OSTN: variants seen among roughly 807,000 people sequenced by gnomAD.
The protein encoded by OSTN is osteocrin.
A neutral mutation model predicts 12.0 loss-of-function variants in OSTN; 9 were observed. That is an observed-to-expected ratio of 0.75 (90% confidence interval 0.45 to 1.30). The LOEUF (loss-of-function observed/expected upper bound fraction) is 1.30, where lower values mean the gene tolerates loss of function less well. OSTN is among the 50% of genes most tolerant of loss of function. The pLI, the probability that OSTN is intolerant of heterozygous loss-of-function variation, is 0.00. For missense variants in OSTN, 148 were observed against 152.3 expected (o/e 0.97, Z 0.15); for synonymous variants, 59 against 56.9 (o/e 1.04, Z -0.16).
chr3:191,236,461 CT>C (rs1256504342), intron 3 of OSTN, among the ~76,000 whole-genome samples: 1 of 151,874 alleles, frequency 6.6e-6, no homozygotes, highest in Non-Finnish European at 1.5e-5. Context: ...AAAAAAATGC[CT>C]ACTCCATAGA....
chr3:191,240,799 T>C (rs1042696573), intron 3 of OSTN, among the ~76,000 whole-genome samples: 2 of 152,198 alleles, frequency 1.3e-5, no homozygotes, highest in Non-Finnish European at 2.9e-5. Context: ...CATGTAAACC[T>C]CTCTAAAGGG....
At chr3:191,218,530 G>A (rs962175240) in intron 2 of OSTN, among the ~76,000 whole-genome samples, 2 of 152,086 alleles carry the variant, frequency 1.3e-5, no homozygotes, top group African/African-American at 4.8e-5. Context: ...AGCCGAAGCA[G>A]GAGAATTGCT....
At chr3:191,205,447 T>A (rs191791221) in intron 1 of OSTN, among the ~76,000 whole-genome samples, 15,799 of 140,152 alleles carry the variant, frequency 0.11, 1,938 homozygotes, top group African/African-American at 0.31. Flanking sequence ...AAAAAAAATA[T>A]ATATATATAT....
At chr3:191,245,231 C>A (rs1050629705) in intron 3 of OSTN, among the ~76,000 whole-genome samples, 1 of 152,046 alleles carries the variant, frequency 6.6e-6, no homozygotes. Context: ...AAATGTGAAC[C>A]CTGAGAGGTA....
chr3:191,245,374 A>G, intron 3 of OSTN, among the ~76,000 whole-genome samples: 1 of 152,356 alleles, frequency 6.6e-6, no homozygotes. Context: ...AAGTGAATAA[A>G]CAGCTCCAGA....
At chr3:191,258,117 T>C (rs1315640776) in intron 4 of OSTN, among the ~76,000 whole-genome samples, 2 of 152,184 alleles carry the variant, frequency 1.3e-5, no homozygotes, top group East Asian at 3.8e-4. Context: ...AGGTAGCAAA[T>C]TTATATCTCA....
At chr3:191,252,377 A>G (rs1222015430) in intron 4 of OSTN, among the ~76,000 whole-genome samples, 1 of 152,140 alleles carries the variant, frequency 6.6e-6, no homozygotes, top group Non-Finnish European at 1.5e-5. Context: ...GAATTTTTAT[A>G]TGAAGACTGA....
intron 4 of OSTN, 67 bp downstream of exon 4, chr3:191,250,200 C>T: frequency 1.7e-6 from 2 of 1,205,542 alleles, no homozygotes; most frequent in Non-Finnish European, 2.5e-6. Context: ...ATGGACTAAT[C>T]AATCCATTCT....
At chr3:191,244,800 T>A (rs2363981) in intron 3 of OSTN, among the ~76,000 whole-genome samples, 78,199 of 150,484 alleles carry the variant, frequency 0.52, 22,014 homozygotes, top group African/African-American at 0.76. Flanking sequence ...GAATTGATTT[T>A]TATATATATA....
At chr3:191,249,919 C>T (rs551818412) in intron 3 of OSTN, 118 bp from the exon 4 acceptor site, 4 of 703,356 alleles carry the variant, frequency 5.7e-6, no homozygotes, top group Non-Finnish European at 1.0e-5. Flanking sequence ...TGAGTGGGAA[C>T]TATCATGTTT....
chr3:191,226,275 A>C (rs889604432), intron 3 of OSTN, among the ~76,000 whole-genome samples: 3 of 152,142 alleles, frequency 2.0e-5, no homozygotes, highest in African/African-American at 7.2e-5. Flanking sequence ...TAATACAACA[A>C]TAGATAAAAG....
At chr3:191,246,330 G>T (rs1328362671) in intron 3 of OSTN, among the ~76,000 whole-genome samples, 1 of 152,020 alleles carries the variant, frequency 6.6e-6, no homozygotes, top group South Asian at 2.1e-4. Context: ...AGTAGGCCGG[G>T]TGTGGTGGCT....
chr3:191,244,359 T>A (rs9882511), intron 3 of OSTN, among the ~76,000 whole-genome samples: 117,285 of 151,500 alleles, frequency 0.77, 45,772 homozygotes, highest in African/African-American at 0.88. Context: ...ATATCCTTAA[T>A]CTACTTTACT....
intron 1 of OSTN, among the ~76,000 whole-genome samples, chr3:191,206,926 T>C (rs562611248): frequency 6.6e-6 from 1 of 152,220 alleles, no homozygotes; most frequent in Non-Finnish European, 1.5e-5. Context: ...TATTATGTTT[T>C]ACAGACTTAC....
chr3:191,247,845 T>C (rs942612540), intron 3 of OSTN, among the ~76,000 whole-genome samples: 5 of 152,318 alleles, frequency 3.3e-5, no homozygotes, highest in African/African-American at 9.6e-5. Context: ...AGACTTTTTC[T>C]TCCCCCTGAT....
chr3:191,212,580 A>C lies in OSTN; in HGVS notation c.48A>C (p.Thr16=). The C allele has an allele frequency of 1.3e-6, 2 of 1,598,246 alleles. No homozygotes were observed. Among genetic ancestry groups the C allele is most frequent in the Non-Finnish European group, 1.7e-6 (2 of 1,169,760 alleles). Residue 16 remains threonine, a synonymous_variant, in exon 2 of 5, where the codon ACA becomes ACC. Coordinates refer to ENST00000682035, the MANE Select transcript of OSTN (RefSeq NM_198184.2). ...GTGCACATTTCATCCTGGCTGTGAC[A>C]CTGACACTGTGGAGCTCAGGAAAAG... The part of the protein sequence containing the change: ...LASAHFILAV[T]LTLWSSGKVL...
chr3:191,206,360 G>A (rs1006426145), intron 1 of OSTN, among the ~76,000 whole-genome samples: 3 of 152,088 alleles, frequency 2.0e-5, no homozygotes, highest in Non-Finnish European at 4.4e-5. Flanking sequence ...AAAATGGAAT[G>A]TCTTACCATA....
chr3:191,232,159 C>T (rs1374231174), intron 3 of OSTN, among the ~76,000 whole-genome samples: 4 of 151,124 alleles, frequency 2.6e-5, no homozygotes, highest in South Asian at 4.2e-4. Context: ...GGTGAAATCC[C>T]GTCTCTACTG....
At chr3:191,209,408 G>T (rs939937447) in intron 1 of OSTN, among the ~76,000 whole-genome samples, 3 of 152,126 alleles carry the variant, frequency 2.0e-5, no homozygotes, top group African/African-American at 7.2e-5. Context: ...ATGATTTACT[G>T]GTTTTGCTTT....
Sources: allele counts gnomAD v4.1 joint callset (sites outside exome capture counted in the v4.1 genomes callset), GRCh38; gene constraint gnomAD v4.1.1; transcripts MANE v1.5; gene names NCBI Gene and HGNC (gene_info 2026-07-23, HGNC 2026-07-21).